The following RFC3 variants were observed in gnomAD, a reference collection of about 807,000 sequenced individuals.
RFC3 encodes the protein A1 38 kDa subunit.
In RFC3, 41 loss-of-function variants were observed where a neutral mutation model predicts 45.1. That is an observed-to-expected ratio of 0.91 (90% CI 0.71 to 1.18). The LOEUF is 1.18. Among genes scored for constraint, RFC3 ranks in the 50% most tolerant of loss-of-function variants. RFC3 has a pLI of 0.00. For synonymous variants in RFC3, 149 were observed against 144.0 expected, an observed-to-expected ratio of 1.03 and a Z score of -0.25; for missense variants, 423 against 428.1, an observed-to-expected ratio of 0.99 and a Z score of 0.10.
downstream of RFC3, among the ~76,000 whole-genome samples, chr13:33,968,112 G>A (rs759084659): frequency 1.3e-5 from 2 of 152,126 alleles, no homozygotes; most frequent in African/African-American, 2.4e-5. Flanking sequence ...TCTAAAGCCA[G>A]CTCTAGTGCA....
intron 8 of RFC3, among the ~76,000 whole-genome samples, chr13:33,922,047 T>C (rs748391384): frequency 7.2e-5 from 11 of 151,864 alleles, no homozygotes; most frequent in Non-Finnish European, 1.3e-4. Context: ...TGCTGGAAGA[T>C]GGAGTGAAAA....
chr13:33,890,159 G>C (rs1593669527), intron 8 of RFC3, among the ~76,000 whole-genome samples: 1 of 152,174 alleles, frequency 6.6e-6, no homozygotes, highest in Admixed American at 6.5e-5. Context: ...TGTAAACTGT[G>C]TGGGGTGGGT....
intron 1 of RFC3, among the ~76,000 whole-genome samples, chr13:33,818,642 A>T (rs545509498): frequency 6.6e-6 from 1 of 152,208 alleles, no homozygotes; most frequent in East Asian, 1.9e-4. Context: ...GGGAAGGGTA[A>T]TCGGAGATGG....
intron 8 of RFC3, among the ~76,000 whole-genome samples, chr13:33,884,216 C>T (rs1028542294): frequency 1.3e-5 from 2 of 152,346 alleles, no homozygotes; most frequent in East Asian, 1.9e-4. Context: ...ACTCTATTCT[C>T]GACCTCTCCC....
At chr13:33,931,916 A>G (rs1166098376) in intron 8 of RFC3, among the ~76,000 whole-genome samples, 5 of 151,872 alleles carry the variant, frequency 3.3e-5, no homozygotes, top group Admixed American at 6.6e-5. Flanking sequence ...CTAAGTGACA[A>G]TTTTCTCCAT....
chr13:33,960,099 A>G (rs1231687093), intron 8 of RFC3, among the ~76,000 whole-genome samples: 3 of 152,054 alleles, frequency 2.0e-5, no homozygotes, highest in Admixed American at 2.0e-4. Context: ...TTCATGAGAA[A>G]TCCACCCCCA....
chr13:33,926,536 TTTTA>T (rs1287238160), intron 8 of RFC3, among the ~76,000 whole-genome samples: 1 of 152,140 alleles, frequency 6.6e-6, no homozygotes, highest in Non-Finnish European at 1.5e-5. Flanking sequence ...TCCCAGCAGA[TTTTA>T]TTTCATTCTT....
At chr13:33,906,881 T>C (rs932251075) in intron 8 of RFC3, among the ~76,000 whole-genome samples, 1 of 151,996 alleles carries the variant, frequency 6.6e-6, no homozygotes, top group African/African-American at 2.4e-5. Context: ...CAGGCTGGAG[T>C]GCAGTGAAGT....
At chr13:33,866,477 A>G (rs988668313) in intron 8 of RFC3, among the ~76,000 whole-genome samples, 10 of 152,212 alleles carry the variant, frequency 6.6e-5, no homozygotes, top group African/African-American at 2.4e-4. Context: ...TTCTTAATGA[A>G]TTCAAATAAG....
At chr13:33,830,165 C>T (rs1159466508) in intron 5 of RFC3, 148 bp downstream of exon 5, 59 of 660,606 alleles carry the variant, frequency 8.9e-5, no homozygotes, top group South Asian at 1.0e-4. Flanking sequence ...CAAACCAAAG[C>T]GTATAGTTGT....
At chr13:33,864,566 G>T (rs180971324) in intron 8 of RFC3, among the ~76,000 whole-genome samples, 11 of 152,222 alleles carry the variant, frequency 7.2e-5, no homozygotes, top group Admixed American at 5.9e-4. Flanking sequence ...GTGGAAACTT[G>T]TGATTATGTT....
At chr13:33,966,823 G>A (rs570421486), downstream of RFC3, among the ~76,000 whole-genome samples, 1 of 152,162 alleles carries the variant, frequency 6.6e-6, no homozygotes, top group South Asian at 2.1e-4. Context: ...AAACCAACAT[G>A]CAAGTAAATT....
chr13:33,937,013 A>G (rs80281296), intron 8 of RFC3, among the ~76,000 whole-genome samples: 6,806 of 152,252 alleles, frequency 0.045, 495 homozygotes, highest in African/African-American at 0.15. Flanking sequence ...TGTGATGACT[A>G]TGTTAATTAT....
intron 8 of RFC3, among the ~76,000 whole-genome samples, chr13:33,940,653 A>G (rs779553445): frequency 6.6e-6 from 1 of 152,068 alleles, no homozygotes; most frequent in African/African-American, 2.4e-5. Context: ...CTTGTCTGTC[A>G]TATCTTATTT....
intron 8 of RFC3, among the ~76,000 whole-genome samples, chr13:33,853,789 A>C (rs2082292206): frequency 6.6e-6 from 1 of 152,182 alleles, no homozygotes; most frequent in Non-Finnish European, 1.5e-5. Flanking sequence ...AACCCTAAGA[A>C]AACCCAAGTC....
intron 8 of RFC3, among the ~76,000 whole-genome samples, chr13:33,938,184 C>CAAAAAAAAAAAAAAA (rs34685731): frequency 2.4e-4 from 17 of 70,778 alleles, no homozygotes; most frequent in African/African-American, 9.3e-4. Flanking sequence ...AGTCCAACTG[C>CAAAAAAAAAAAAAAA]AAAAAAAAAA....
intron 8 of RFC3, among the ~76,000 whole-genome samples, chr13:33,933,276 G>A (rs140369171): frequency 1.4e-4 from 22 of 152,188 alleles, no homozygotes; most frequent in African/African-American, 5.1e-4. Context: ...ATAGAGATCT[G>A]GGTGAACAAA....
chr13:33,860,447 G>A lies in RFC3; in HGVS notation c.879+25230G>A, dbSNP rs150886656. On this transcript the variant is annotated intron_variant, in intron 8 of 8. Coordinates refer to the RFC3 transcript ENST00000434425. Reference sequence around the variant, plus strand: ...GCTCCAGATGTTTGAATCAGTGACTGTATTGCTCCTTACTTGTCCCCTCTG... The same window carrying A: ...GCTCCAGATGTTTGAATCAGTGACTATATTGCTCCTTACTTGTCCCCTCTG... Among the ~76,000 whole-genome samples, 695 of 152,250 alleles carry A rather than the reference G, an allele frequency of 4.6e-3. 3 individuals carry two copies. The highest frequency in any genetic ancestry group is 0.014 in the Middle Eastern group (4 of 294).
At chr13:33,965,061 T>C (rs1371128265) in intron 8 of RFC3, among the ~76,000 whole-genome samples, 1 of 152,186 alleles carries the variant, frequency 6.6e-6, no homozygotes, top group African/African-American at 2.4e-5. Context: ...TGTTGACACC[T>C]TGAATTTGAA....
Sources: gnomAD v4.1 joint callset for allele counts (sites outside exome capture counted in the v4.1 genomes callset) on GRCh38, gnomAD v4.1.1 for gene constraint, MANE v1.5 for transcripts, NCBI Gene and HGNC (gene_info 2026-07-23, HGNC 2026-07-21) for gene names.